Variants in NOTCH3 observed in about 807,000 individuals in gnomAD.
NOTCH3 encodes notch receptor 3.
Under a neutral mutation model 213.3 loss-of-function variants are expected in NOTCH3, and 86 were observed. The observed-to-expected ratio is 0.40, with a 90% CI of 0.34 to 0.48. NOTCH3 has a LOEUF of 0.48. Ranked by LOEUF, NOTCH3 falls within the 20% of genes least tolerant of loss-of-function variation. The pLI, the probability that NOTCH3 is intolerant of heterozygous loss-of-function variation, is 0.57. For synonymous variants in NOTCH3, 1,354 were observed against 1,355.9 expected (o/e 1.00, Z 0.03); for missense variants, 2,783 against 3,272.6 (o/e 0.85, Z 3.65).
rs1347917864 is a variant in NOTCH3, at chr19:15,196,349, G to T, written c.197+1151C>A. Among the ~76,000 whole-genome samples, 25 of 130,386 alleles carry T rather than the reference G, an allele frequency of 1.9e-4. No individual in the cohort carries two copies. The Admixed American group carries it at 2.0e-3, about 10-fold the overall frequency. 85.5% of individuals were successfully genotyped at this position (130,386 alleles called of 152,430 possible). On this transcript the variant is annotated intron_variant, in intron 2 of 32. Transcript: ENST00000263388. ...GTAAGGTCACACTTTTCCCCATCCCGCCCCACCTTCGCAGACCCCCCAGCC... is the reference window on the plus strand; with the variant it reads ...GTAAGGTCACACTTTTCCCCATCCCTCCCCACCTTCGCAGACCCCCCAGCC...
intron 2 of NOTCH3, among the ~76,000 whole-genome samples, chr19:15,196,762 T>C (rs916380881): frequency 7.2e-5 from 11 of 152,160 alleles, no homozygotes. Flanking sequence ...ACAGGAGTTA[T>C]TATTGCCCCA....
chr19:15,189,246 A>G, intron 7 of NOTCH3, 27 bp downstream of exon 7: 2 of 1,613,836 alleles, frequency 1.2e-6, no homozygotes, highest in Non-Finnish European at 1.7e-6. Flanking sequence ...TTCCCAGCCC[A>G]TTCACAGACG....
At chr19:15,199,292 A>G (rs892526885) in intron 1 of NOTCH3, among the ~76,000 whole-genome samples, 1 of 152,160 alleles carries the variant, frequency 6.6e-6, no homozygotes, top group Admixed American at 6.5e-5. Context: ...CCATACGGGA[A>G]TGCACAGATG....
Position 15,181,172 on chromosome 19 carries a change from AAGGAGTGGG to A in NOTCH3, c.2793-19_2793-11del, listed in dbSNP as rs2046838155. ...GCCATTGAAGCAGGAGCTGGAGCGG[AAGGAGTGGG>A]AGGGAGGATCAGGCTCCGCCCCCTC... On this transcript the variant is annotated splice_polypyrimidine_tract_variant and intron_variant, in intron 17 of 32. Coordinates refer to ENST00000263388, the MANE Select transcript of NOTCH3 (RefSeq NM_000435.3). 2 of 1,608,986 alleles carry A rather than the reference AAGGAGTGGG, an allele frequency of 1.2e-6. No individual in the cohort carries two copies. Among genetic ancestry groups the A allele is most frequent in the African/African-American group, 2.7e-5 (2 of 74,846 alleles).
At position 15,189,143 on chromosome 19, in the gene NOTCH3, G is replaced by C. The variant is rs746611704; in HGVS notation, c.1224C>G (p.Cys408Trp). The C allele has an allele frequency of 6.2e-7, 1 of 1,613,236 alleles. No individual in the cohort carries two copies. Among genetic ancestry groups the C allele is most frequent in the Non-Finnish European group, 8.5e-7 (1 of 1,180,036 alleles). ...ACAGGAAGGAGCCCTGCGTGTTCAC[G>C]CACCTGCCCAAGTGCTCGCAGGGGT... ...GANPCEHLGR[C>W]VNTQGSFLCQ... is the part of the protein sequence containing the mutation. The change falls in exon 8 of 33, where the codon TGC becomes TGG. Residue 408 changes from cysteine (C) to tryptophan (W), a missense_variant. Physicochemically the swap from Cys to Trp is radical, Grantham distance 215. This residue lies in a region of NOTCH3 where 708 missense variants were observed against 906.6 expected (regional missense o/e 0.78). Transcript: ENST00000263388.
At chr19:15,181,494 C>T (rs1266498165) in intron 17 of NOTCH3, 82 bp downstream of exon 17, 2 of 1,165,962 alleles carry the variant, frequency 1.7e-6, no homozygotes, top group Non-Finnish European at 2.5e-6. Flanking sequence ...TCCCCCAAGT[C>T]GTTGCTGTCC....
intron 2 of NOTCH3, among the ~76,000 whole-genome samples, chr19:15,193,197 A>C (rs781513913): frequency 5.9e-5 from 9 of 151,980 alleles, no homozygotes; most frequent in Non-Finnish European, 1.3e-4. Context: ...AGAACCTGTG[A>C]CTAGGACCTT....
chr19:15,184,711 C>G (rs1382058007), intron 15 of NOTCH3, among the ~76,000 whole-genome samples, 195 bp downstream of exon 15: 2 of 152,182 alleles, frequency 1.3e-5, no homozygotes, highest in African/African-American at 2.4e-5. Flanking sequence ...CATCTCTAGC[C>G]CCATAACTCT....
intron 9 of NOTCH3, 80 bp from the exon 10 acceptor site, chr19:15,188,074 T>A: frequency 8.4e-7 from 1 of 1,190,784 alleles, no homozygotes; most frequent in Non-Finnish European, 1.2e-6. Context: ...CTTGTTTGGG[T>A]GGAAAAACCC....
In NOTCH3 at chr19:15,192,242, G is replaced by T. The variant is rs137852642; in HGVS notation, c.397C>A (p.Arg133Ser). Residue 133 changes from arginine to serine, a missense_variant, in exon 4 of 33, where the codon CGC becomes AGC. Transcript: ENST00000263388. ...CGTCCATCGGGCCCCACTGAGCAGC[G>T]GGCACCGTGGGCACAAGGGCTGCTG... ...CLSSPCAHGA[R>S]CSVGPDGRFL... The T allele has an allele frequency of 6.2e-7, 1 of 1,602,300 alleles. No homozygotes were observed. Among genetic ancestry groups the T allele is most frequent in the South Asian group, 1.1e-5 (1 of 89,742 alleles).
chr19:15,179,989 T>A, intron 20 of NOTCH3, 83 bp downstream of exon 20: 6 of 955,590 alleles, frequency 6.3e-6, no homozygotes, highest in Non-Finnish European at 1.0e-5. Context: ...GACATACCCA[T>A]ACCAAGCCAC....
Position 15,174,192 on chromosome 19 carries a change from T to C in NOTCH3, c.4612A>G (p.Ile1538Val). The C allele has an allele frequency of 6.2e-7, 1 of 1,608,570 alleles. No individual in the cohort carries two copies. The highest frequency in any genetic ancestry group is 1.1e-5 in the South Asian group (1 of 90,990). ...SADFLQRLSA[I>V]LRTSLRFRLD... ...CGGAAGCGCAGCGAGGTGCGCAGGA[T>C]GGCGCTGAGCCGCTGCAGAAAGTCG... Residue 1538 changes from isoleucine to valine, a missense_variant, in exon 25 of 33, where the codon ATC becomes GTC. Coordinates refer to ENST00000263388, the MANE Select transcript of NOTCH3 (RefSeq NM_000435.3).
In NOTCH3 at chr19:15,181,769, C is replaced by A. The variant is rs867505691; in HGVS notation, c.2599G>T (p.Gly867Cys). The A allele has an allele frequency of 6.4e-7, 1 of 1,566,070 alleles. No individual in the cohort carries two copies. The change falls in exon 17 of 33, where the codon GGC (glycine) becomes TGC (cysteine). Residue 867 changes from glycine to cysteine, a missense_variant. Around this residue, in one of 6 missense-constraint regions of NOTCH3, gnomAD observed 861 missense variants for 909.1 expected, o/e 0.95. Coordinates refer to ENST00000263388, the MANE Select transcript of NOTCH3 (RefSeq NM_000435.3). ...CAGGAGCAGGAAAAGGAGCCCACGC[C>A]GTCTTGGCACGAGCCACCGTTCAGG... is the stretch of plus-strand genomic sequence containing the variant. The part of the protein sequence containing the change: ...PCLNGGSCQD[G>C]VGSFSCSCLP...
chr19:15,178,691 T>G, intron 23 of NOTCH3, 132 bp downstream of exon 23: 1 of 741,486 alleles, frequency 1.3e-6, no homozygotes, highest in Non-Finnish European at 2.4e-6. Flanking sequence ...GGCGGAAATG[T>G]CAGCATTTTC....
At position 15,178,055 on chromosome 19, in the gene NOTCH3, G is replaced by A; in HGVS notation, c.3873C>T (p.Arg1291=). ...CCGGGCACTGCAGCTCCCGGCAGGA[G>A]CGCGCCACCCGCTCGCAACGCGGAC... ...FWGPRCERVA[R]SCRELQCPVG... Residue 1291 remains arginine (R), a synonymous_variant, in exon 24 of 33, where the codon CGC becomes CGT. Transcript: ENST00000263388. The A allele has an allele frequency of 6.6e-7, 1 of 1,520,492 alleles. No individual in the cohort carries two copies. The highest frequency in any genetic ancestry group is 8.8e-7 in the Non-Finnish European group (1 of 1,139,904). The allele number at this position is 1,520,492 out of a possible 1,614,324, so 94.2% of individuals were successfully genotyped here.
At chr19:15,187,767 G>T in intron 10 of NOTCH3, 114 bp downstream of exon 10, 1 of 825,072 alleles carries the variant, frequency 1.2e-6, no homozygotes, top group Non-Finnish European at 2.0e-6. Flanking sequence ...CTCTGTCACT[G>T]GGTCCTGCCT....
Position 15,165,762 on chromosome 19 carries a change from G to A in NOTCH3, c.5667+25C>T, listed in dbSNP as rs1474316081. ...AGTCTAATGCCTGCCCCAGCTCTGA[G>A]GTCCAAAGTGTGTGCCTATCTCACC... On this transcript the variant is annotated intron_variant, in intron 30 of 32. Transcript: ENST00000263388. This position sits in a 1 kb window ranked among gnomAD's most constrained non-coding sequence, Gnocchi z 4.7. 1 of 1,607,114 alleles carries A rather than the reference G, an allele frequency of 6.2e-7. No individual in the cohort carries two copies. The highest frequency in any genetic ancestry group is 2.2e-5 in the East Asian group (1 of 44,890).
At chr19:15,191,703 C>T (rs763472614) in intron 5 of NOTCH3, 42 bp downstream of exon 5, 1 of 1,613,558 alleles carries the variant, frequency 6.2e-7, no homozygotes, top group South Asian at 1.1e-5. Context: ...CGCATGTCCA[C>T]CCGAGGCCTG....
intron 6 of NOTCH3, among the ~76,000 whole-genome samples, chr19:15,191,222 T>C (rs1252175509): frequency 1.3e-5 from 2 of 149,104 alleles, no homozygotes; most frequent in African/African-American, 5.0e-5. Flanking sequence ...TTAGTAGAGA[T>C]GGGGTTTCAC....
Sources: allele counts gnomAD v4.1 joint callset (sites outside exome capture counted in the v4.1 genomes callset), GRCh38; gene constraint gnomAD v4.1.1; regional missense constraint gnomAD v4.1.1; non-coding constraint Gnocchi (gnomAD v3.1); transcripts MANE v1.5; gene names NCBI Gene and HGNC (gene_info 2026-07-23, HGNC 2026-07-21).